Variants in GPHN observed in about 807,000 individuals in gnomAD.
GPHN encodes gephyrin.
A neutral mutation model predicts 95.5 loss-of-function variants in GPHN; 17 were observed. That is an observed-to-expected ratio of 0.18 (90% CI 0.12 to 0.27). The LOEUF (loss-of-function observed/expected upper bound fraction) is 0.27. Ranked by LOEUF, GPHN falls within the 10% of genes least tolerant of loss-of-function variation. The pLI is 1.00. For synonymous variants in GPHN, 320 were observed against 322.5 expected (o/e 0.99, Z 0.08); for missense variants, 660 against 978.1 (o/e 0.67, Z 4.34).
intron 1 of GPHN, among the ~76,000 whole-genome samples, chr14:66,599,253 A>G (rs560774284): frequency 6.7e-4 from 102 of 152,136 alleles, no homozygotes; most frequent in African/African-American, 2.3e-3. Flanking sequence ...AAAAACATGA[A>G]TCCCAAATTT....
At chr14:66,756,191 C>T (rs904218340) in intron 2 of GPHN, among the ~76,000 whole-genome samples, 3 of 151,994 alleles carry the variant, frequency 2.0e-5, no homozygotes, top group African/African-American at 7.3e-5. Flanking sequence ...GGAGTACATG[C>T]CGATTTAATA....
Position 66,515,351 on chromosome 14 carries a change from A to G in GPHN, c.64+6760A>G, listed in dbSNP as rs368663925. On this transcript the variant is annotated intron_variant, in intron 1 of 22. Coordinates refer to ENST00000478722, the MANE Select transcript of GPHN (RefSeq NM_020806.5). Reference sequence around the variant, plus strand: ...TTAGGTAAACCAGAACTTGGCTATTATTACTAAAAGGATAGTTTAGGGTAG... The same window carrying G: ...TTAGGTAAACCAGAACTTGGCTATTGTTACTAAAAGGATAGTTTAGGGTAG... Among the ~76,000 whole-genome samples, 7 of 152,298 alleles carry G rather than the reference A, an allele frequency of 4.6e-5. No individual in the cohort carries two copies. In the South Asian group the frequency reaches 8.3e-4, roughly 18 times the overall value.
chr14:67,571,780 T>C, the GPHN span: 14 of 1,613,798 alleles, frequency 8.7e-6, no homozygotes, highest in Admixed American at 2.2e-4. Flanking sequence ...AACATGCCCT[T>C]TATGGACGAG....
At chr14:67,342,471 A>C in the GPHN span, among the ~76,000 whole-genome samples, 1 of 150,784 alleles carries the variant, frequency 6.6e-6, no homozygotes, top group South Asian at 2.1e-4. Flanking sequence ...TGCTCGATTG[A>C]GTTTACGTCA....
At chr14:66,973,202 A>G (rs1243366235) in intron 9 of GPHN, among the ~76,000 whole-genome samples, 1 of 151,210 alleles carries the variant, frequency 6.6e-6, no homozygotes, top group East Asian at 1.9e-4. Context: ...AAGAGATCTG[A>G]TCCAATGACT....
the GPHN span, chr14:67,589,766 A>G: frequency 9.5e-6 from 10 of 1,051,708 alleles, no homozygotes; most frequent in Non-Finnish European, 1.1e-5. Context: ...ACATCAACAA[A>G]GTAAACCTGA....
At chr14:67,585,912 T>C in the GPHN span, 1 of 1,586,544 alleles carries the variant, frequency 6.3e-7, no homozygotes, top group East Asian at 2.2e-5. Flanking sequence ...AGGGGACAGG[T>C]GGAAAGTTTC....
the GPHN span, chr14:67,374,484 A>G: frequency 1.9e-6 from 3 of 1,604,860 alleles, no homozygotes; most frequent in East Asian, 2.2e-5. Context: ...TTGATTTGTC[A>G]AAAAGAAGAG....
In GPHN at chr14:66,965,468, C is replaced by T. The variant is rs908179070; in HGVS notation, c.963+143C>T. 4 of 791,136 alleles carry T rather than the reference C, an allele frequency of 5.1e-6. No individual in the cohort carries two copies. In the African/African-American group the frequency reaches 6.8e-5, roughly 13 times the overall value. 49.0% of individuals were successfully genotyped at this position (791,136 alleles called of 1,614,324 possible). ...TGAATAAAGTGTAAGATAGTTCCCACCCATTGTGTCACAAATTGTCATATT... is the reference window on the plus strand; with the variant it reads ...TGAATAAAGTGTAAGATAGTTCCCATCCATTGTGTCACAAATTGTCATATT... On this transcript the variant is annotated intron_variant, in intron 9 of 22. Coordinates refer to ENST00000478722, the MANE Select transcript of GPHN (RefSeq NM_020806.5).
At chr14:67,158,804 G>C (rs1418499952) in intron 18 of GPHN, among the ~76,000 whole-genome samples, 1 of 152,118 alleles carries the variant, frequency 6.6e-6, no homozygotes, top group Non-Finnish European at 1.5e-5. Flanking sequence ...AGTTGGAGTA[G>C]TTAAAACTCC....
At chr14:67,686,121 G>C in the GPHN span, 3 of 152,310 alleles carry the variant, frequency 2.0e-5, no homozygotes, top group Admixed American at 2.0e-4. Context: ...CTGAACTGCA[G>C]ACACACTGGG....
the GPHN span, among the ~76,000 whole-genome samples, chr14:67,720,009 C>G: frequency 2.0e-5 from 3 of 152,186 alleles, no homozygotes; most frequent in Admixed American, 6.5e-5. Flanking sequence ...CATTACAACA[C>G]TTCTCTCTAT....
the GPHN span, chr14:67,387,085 C>T: frequency 7.6e-5 from 25 of 329,432 alleles, no homozygotes; most frequent in Non-Finnish European, 1.0e-4. Flanking sequence ...GTTTGTGATG[C>T]TGGGGAAAAG....
the GPHN span, among the ~76,000 whole-genome samples, chr14:67,338,957 T>G: frequency 6.6e-6 from 1 of 152,028 alleles, no homozygotes; most frequent in Non-Finnish European, 1.5e-5. Flanking sequence ...ATACATAATT[T>G]TAAGCTAATA....
chr14:66,749,440 A>G (rs2058285645), intron 2 of GPHN, among the ~76,000 whole-genome samples: 1 of 151,948 alleles, frequency 6.6e-6, no homozygotes, highest in South Asian at 2.1e-4. Flanking sequence ...AAGTAGCTAT[A>G]CCATTTTGCA....
At chr14:67,225,242 A>T in the GPHN span, 1 of 1,521,334 alleles carries the variant, frequency 6.6e-7, no homozygotes, top group Non-Finnish European at 8.8e-7. Context: ...AAGTTGATGG[A>T]AAAACATGTA....
intron 4 of GPHN, among the ~76,000 whole-genome samples, chr14:66,858,008 C>T (rs2062868010): frequency 1.3e-5 from 2 of 152,176 alleles, no homozygotes; most frequent in Admixed American, 6.5e-5. Flanking sequence ...CTAATCCCTG[C>T]GATTGGAAAG....
chr14:67,567,210 A>G, the GPHN span, among the ~76,000 whole-genome samples: 1 of 152,314 alleles, frequency 6.6e-6, no homozygotes, highest in African/African-American at 2.4e-5. Flanking sequence ...TCTCCCAGGC[A>G]GGACCAATGG....
At chr14:67,210,554 C>A in the GPHN span, among the ~76,000 whole-genome samples, 2 of 152,020 alleles carry the variant, frequency 1.3e-5, no homozygotes, top group South Asian at 4.1e-4. Flanking sequence ...GGGAAGAAAC[C>A]ACAGTTTGGG....
Sources: gnomAD v4.1 joint callset for allele counts (sites outside exome capture counted in the v4.1 genomes callset) on GRCh38, gnomAD v4.1.1 for gene constraint, MANE v1.5 for transcripts, NCBI Gene and HGNC (gene_info 2026-07-23, HGNC 2026-07-21) for gene names.